The following OR6J1 variants were observed in gnomAD, a reference collection of about 807,000 sequenced individuals.
The protein encoded by OR6J1 is olfactory receptor 6J1.
For synonymous variants in OR6J1, 109 were observed against 70.0 expected (o/e 1.56, Z -2.78); for missense variants, 304 against 166.8 (o/e 1.82, Z -4.53).
chr14:22,638,013 C>G lies in OR6J1; in HGVS notation c.-27-3175G>C, dbSNP rs1174010079. ...AGCCCCTCTGCCTGGCCAGCCGCCC[C>G]GTCCGGGAGGATGGTGGGGGGGTCA... is the stretch of plus-strand genomic sequence containing the variant. On this transcript the variant is annotated intron_variant, in intron 1 of 1. Coordinates refer to ENST00000540461, the MANE Select transcript of OR6J1 (RefSeq NM_001348233.2). 2.9e-5 allele frequency among the ~76,000 whole-genome samples: 3 copies of G among 104,298 alleles called. 1 individual carries two copies. The highest frequency in any genetic ancestry group is 5.4e-4 in the South Asian group (2 of 3,680). The allele number at this position is 104,298 out of a possible 152,430, so 68.4% of individuals were successfully genotyped here. A position where few individuals can be genotyped will look rare whatever the true frequency, so the allele number is the denominator to read the frequency against.
chr14:22,632,294 G>A lies in OR6J1; in HGVS notation c.*1474C>T, dbSNP rs112618900. On this transcript the variant is annotated 3_prime_UTR_variant, in exon 2 of 2. Transcript: ENST00000540461. ...GTTAAAAACAGATTCTTGGCTGGGCGCAGTGGCTCATGCCTCTAATCCCAG... is the reference window on the plus strand; with the variant it reads ...GTTAAAAACAGATTCTTGGCTGGGCACAGTGGCTCATGCCTCTAATCCCAG... 0.23 allele frequency: 35,166 copies of A among 151,488 alleles called. 4,409 individuals are homozygous for A. Among genetic ancestry groups the A allele is most frequent in the African/African-American group, 0.32 (13,308 of 41,104 alleles). The allele number at this position is 151,488 out of a possible 1,614,324, so 9.4% of individuals were successfully genotyped here.
chr14:22,641,718 G>A (rs1336743245), intron 1 of OR6J1, among the ~76,000 whole-genome samples: 4 of 152,098 alleles, frequency 2.6e-5, no homozygotes, highest in African/African-American at 9.7e-5. Flanking sequence ...AAAAAAAATT[G>A]CATGCCCTCG....
intron 1 of OR6J1, among the ~76,000 whole-genome samples, chr14:22,636,666 T>C (rs2037589288): frequency 8.7e-6 from 1 of 115,210 alleles, no homozygotes; most frequent in Non-Finnish European, 1.7e-5. Flanking sequence ...TCCGCCAGCC[T>C]CAGCCTCCCG....
rs1594900665 is a variant in OR6J1, at chr14:22,633,646, C to G, written c.*122G>C. On this transcript the variant is annotated 3_prime_UTR_variant, in exon 2 of 2. Coordinates refer to ENST00000540461, the MANE Select transcript of OR6J1 (RefSeq NM_001348233.2). ...ATGGCTGGTGACACAGCTGCGGTCA[C>G]AGATTAAAGTGAAAACCAAGGCCAG... 1.7e-6 allele frequency: 1 copy of G among 597,408 alleles called. No individual in the cohort carries two copies. Among genetic ancestry groups the G allele is most frequent in the East Asian group, 2.8e-5 (1 of 36,336 alleles). 37.0% of individuals were successfully genotyped at this position (597,408 alleles called of 1,614,324 possible).
rs529690206 is a variant in OR6J1 at position 22,631,484 on chromosome 14, G to C, written c.*2284C>G. On this transcript the variant is annotated 3_prime_UTR_variant, in exon 2 of 2. Coordinates refer to ENST00000540461, the MANE Select transcript of OR6J1 (RefSeq NM_001348233.2). The stretch of plus-strand genomic sequence containing the variant: ...AGAGAAATATGGCTCTGTTCCCCCC[G>C]GCTCACCAGCGGTCAGAGTTTAAGG... 2 of 152,124 alleles carry C rather than the reference G, an allele frequency of 1.3e-5. No homozygotes were observed. Among genetic ancestry groups the C allele is most frequent in the Non-Finnish European group, 2.9e-5 (2 of 68,030 alleles). The allele number at this position is 152,124 out of a possible 1,614,324, so 9.4% of individuals were successfully genotyped here.
In OR6J1 at chr14:22,637,185, C is replaced by T. The variant is rs1461114636; in HGVS notation, c.-27-2347G>A. Among the ~76,000 whole-genome samples, 5 of 104,028 alleles carry T rather than the reference C, an allele frequency of 4.8e-5. No homozygotes were observed. In the South Asian group the frequency reaches 8.0e-4, roughly 17 times the overall value. The allele number at this position is 104,028 out of a possible 152,430, so 68.2% of individuals were successfully genotyped here. On this transcript the variant is annotated intron_variant, in intron 1 of 1. Coordinates refer to ENST00000540461, the MANE Select transcript of OR6J1 (RefSeq NM_001348233.2). ...GAAACCCTCTGCCTGGCAACCGCCC[C>T]GTCTGAGAAGTGAGGAGCCCCTCCG... is the stretch of plus-strand genomic sequence containing the variant.
chr14:22,631,663 C>T lies in OR6J1; in HGVS notation c.*2105G>A, dbSNP rs1315688146. ...GGTGACATACATCTTCCTCAGCTGA[C>T]AGGATTAAGAGATTAAAGACAGGCA... On this transcript the variant is annotated 3_prime_UTR_variant, in exon 2 of 2. Transcript: ENST00000540461. 1.3e-5 allele frequency: 2 copies of T among 152,166 alleles called. No homozygotes were observed. The highest frequency in any genetic ancestry group is 1.3e-4 in the Admixed American group (2 of 15,280). 9.4% of individuals were successfully genotyped at this position (152,166 alleles called of 1,614,324 possible). A position where few individuals can be genotyped will look rare whatever the true frequency, so the allele number is the denominator to read the frequency against.
chr14:22,641,469 AAG>A, intron 1 of OR6J1, among the ~76,000 whole-genome samples: 2 of 45,796 alleles, frequency 4.4e-5, no homozygotes, highest in Non-Finnish European at 6.9e-5. Context: ...AAGAAAGAAA[AAG>A]AAAGAAAGGA....
chr14:22,632,394 C>T lies in OR6J1; in HGVS notation c.*1374G>A, dbSNP rs2037552804. The T allele has an allele frequency of 6.6e-6, 1 of 152,160 alleles. No homozygotes were observed. Among genetic ancestry groups the T allele is most frequent in the Admixed American group, 6.6e-5 (1 of 15,262 alleles). The allele number at this position is 152,160 out of a possible 1,614,324, so 9.4% of individuals were successfully genotyped here. On this transcript the variant is annotated 3_prime_UTR_variant, in exon 2 of 2. Transcript: ENST00000540461. ...CATCCTGGCTAACACAGTGAAGCCC[C>T]ATCTCTACTAAAAATACAAAAATTA... is the stretch of plus-strand genomic sequence containing the variant.
chr14:22,638,462 G>A (rs1350108189), intron 1 of OR6J1, among the ~76,000 whole-genome samples: 2 of 84,526 alleles, frequency 2.4e-5, no homozygotes, highest in Non-Finnish European at 4.3e-5. Flanking sequence ...CAGCATGCTC[G>A]TTAAGAGTCA....
At chr14:22,640,920 G>A (rs529624324) in intron 1 of OR6J1, among the ~76,000 whole-genome samples, 2 of 151,508 alleles carry the variant, frequency 1.3e-5, no homozygotes, top group East Asian at 3.9e-4. Flanking sequence ...TGTAATCCCA[G>A]CACTATGGAA....
At position 22,632,696 on chromosome 14, in the gene OR6J1, G is replaced by A. The variant is rs1414394907; in HGVS notation, c.*1072C>T. The A allele has an allele frequency of 1.3e-5, 2 of 152,202 alleles. No individual in the cohort carries two copies. Among genetic ancestry groups the A allele is most frequent in the Non-Finnish European group, 2.9e-5 (2 of 68,052 alleles). The allele number at this position is 152,202 out of a possible 1,614,324, so 9.4% of individuals were successfully genotyped here. ...TCACAAGAATCTAAGACCTTCTCAAGATAGCTCAATAAAAAGGGATTTCAT... is the reference window on the plus strand; with the variant it reads ...TCACAAGAATCTAAGACCTTCTCAAAATAGCTCAATAAAAAGGGATTTCAT... On this transcript the variant is annotated 3_prime_UTR_variant, in exon 2 of 2. Transcript: ENST00000540461.
At chr14:22,638,250 T>TCA (rs2037611113) in intron 1 of OR6J1, among the ~76,000 whole-genome samples, 1 of 67,876 alleles carries the variant, frequency 1.5e-5, no homozygotes, top group Non-Finnish European at 2.7e-5. Flanking sequence ...ATCAGATGGT[T>TCA]GCCGGGTCTG....
Position 22,634,696 on chromosome 14 carries a change from A to G in OR6J1, c.116T>C (p.Leu39Pro), listed in dbSNP as rs1197616939. ...LLLPTFLLTLLGNLLIISTVL... is the reference protein window; with the variant it reads ...LLLPTFLLTLPGNLLIISTVL... Reference sequence around the variant, plus strand: ...AGTGGAGATGATGAGCAGGTTCCCCAGAAGAGTCAGCAGGAACGTGGGCAG... The same window carrying G: ...AGTGGAGATGATGAGCAGGTTCCCCGGAAGAGTCAGCAGGAACGTGGGCAG... Residue 39 changes from leucine (L) to proline (P), a missense_variant, in exon 2 of 2, where the codon CTG becomes CCG. Leu to Pro is a moderately conservative substitution (Grantham distance 98). Transcript: ENST00000540461. The G allele has an allele frequency of 2.7e-6, 2 of 729,178 alleles. No individual in the cohort carries two copies. Among genetic ancestry groups the G allele is most frequent in the African/African-American group, 1.7e-5 (1 of 57,984 alleles). The allele number at this position is 729,178 out of a possible 1,614,324, so 45.2% of individuals were successfully genotyped here. A position where few individuals can be genotyped will look rare whatever the true frequency, so the allele number is the denominator to read the frequency against.
At position 22,643,714 on chromosome 14, in the gene OR6J1, AAC is replaced by A. The variant is rs1183889876; in HGVS notation, c.-28+382_-28+383del. On this transcript the variant is annotated intron_variant, in intron 1 of 1. Coordinates refer to ENST00000540461, the MANE Select transcript of OR6J1 (RefSeq NM_001348233.2). ...AAGCCCTGACCCCTGGCATGGCAGA[AAC>A]ACACACACACACACACACACACACA... 8.9e-3 allele frequency among the ~76,000 whole-genome samples: 748 copies of A among 83,942 alleles called. 5 individuals are homozygous for A. Among genetic ancestry groups the A allele is most frequent in the Middle Eastern group, 0.019 (2 of 106 alleles). The allele number at this position is 83,942 out of a possible 152,430, so 55.1% of individuals were successfully genotyped here.
chr14:22,635,106 A>G (rs1437847464), intron 1 of OR6J1, among the ~76,000 whole-genome samples: 1 of 152,224 alleles, frequency 6.6e-6, no homozygotes, highest in African/African-American at 2.4e-5. Flanking sequence ...ATGTGTGTCA[A>G]AAACCTTAAA....
At chr14:22,639,240 G>A (rs1470925409) in intron 1 of OR6J1, among the ~76,000 whole-genome samples, 1 of 124,552 alleles carries the variant, frequency 8.0e-6, no homozygotes, top group Non-Finnish European at 1.6e-5. Context: ...GTGGTGGGGG[G>A]TCAGCCCCCC....
Position 22,633,773 on chromosome 14 carries a change from A to C in OR6J1, c.1039T>G (p.Cys347Gly). 1 of 679,392 alleles carries C rather than the reference A, an allele frequency of 1.5e-6. No individual in the cohort carries two copies. The highest frequency in any genetic ancestry group is 2.7e-6 in the Non-Finnish European group (1 of 374,638). The allele number at this position is 679,392 out of a possible 1,614,324, so 42.1% of individuals were successfully genotyped here. Residue 347 changes from cysteine to glycine, a missense_variant, in exon 2 of 2, where the codon TGT (cysteine) becomes GGT (glycine). By Grantham distance (159) the Cys-to-Gly change is radical. Transcript: ENST00000540461. The part of the protein sequence containing the change: ...PPCVYSVKLQ[C>G] ...CTAAGGCAGCTCCTCTCTTTCTAAC[A>C]CTGGAGCTTTACAGAATAGACACAT... is the stretch of plus-strand genomic sequence containing the variant.
At chr14:22,640,370 A>G (rs1184810760) in intron 1 of OR6J1, among the ~76,000 whole-genome samples, 1 of 150,314 alleles carries the variant, frequency 6.7e-6, no homozygotes, top group East Asian at 1.9e-4. Context: ...AAGGGGGAAA[A>G]AAGAGAAGGA....
Sources: allele counts gnomAD v4.1 joint callset (sites outside exome capture counted in the v4.1 genomes callset), GRCh38; gene constraint gnomAD v4.1.1; transcripts MANE v1.5; gene names NCBI Gene and HGNC (gene_info 2026-07-23, HGNC 2026-07-21).